The following DLG2 variants were observed in gnomAD, a reference collection of about 807,000 sequenced individuals.
DLG2 encodes the protein discs large MAGUK scaffold protein 2, also known as disks large homolog 2.
Under a neutral mutation model 132.5 loss-of-function variants are expected in DLG2, and 45 were observed. That is an observed-to-expected ratio of 0.34 (90% CI 0.27 to 0.44). The LOEUF (loss-of-function observed/expected upper bound fraction) is 0.44. Among genes scored for constraint, DLG2 ranks in the 20% least tolerant of loss-of-function variants. DLG2 has a pLI of 1.00. For synonymous variants in DLG2, 424 were observed against 419.6 expected, an observed-to-expected ratio of 1.01 and a Z score of -0.13; for missense variants, 1,045 against 1,196.9, an observed-to-expected ratio of 0.87 and a Z score of 1.87.
At chr11:84,577,181 A>C (rs1308255341) in intron 6 of DLG2, among the ~76,000 whole-genome samples, 2 of 152,202 alleles carry the variant, frequency 1.3e-5, no homozygotes, top group African/African-American at 4.8e-5. Context: ...GGTACGTCCA[A>C]TTAAACCTCT....
At chr11:85,172,576 A>G (rs1019631973) in intron 4 of DLG2, among the ~76,000 whole-genome samples, 1 of 152,192 alleles carries the variant, frequency 6.6e-6, no homozygotes, top group African/African-American at 2.4e-5. Context: ...AATGACTGCA[A>G]TACCTCTCCT....
intron 18 of DLG2, among the ~76,000 whole-genome samples, chr11:83,756,618 C>T (rs1385885913): frequency 6.6e-6 from 1 of 151,336 alleles, no homozygotes. Context: ...ATAATAACCT[C>T]ATAGGATTCT....
intron 6 of DLG2, among the ~76,000 whole-genome samples, chr11:84,795,275 G>A (rs927430741): frequency 2.0e-5 from 3 of 152,102 alleles, no homozygotes; most frequent in Admixed American, 2.0e-4. Context: ...TGCCTGCAGA[G>A]AGGAGCTTCC....
intron 6 of DLG2, among the ~76,000 whole-genome samples, chr11:84,928,120 T>C (rs918185623): frequency 6.6e-6 from 1 of 151,904 alleles, no homozygotes; most frequent in Non-Finnish European, 1.5e-5. Flanking sequence ...AAACAGAAGG[T>C]AATTTCTGTT....
At chr11:84,629,712 C>A (rs185379158) in intron 6 of DLG2, among the ~76,000 whole-genome samples, 53 of 152,022 alleles carry the variant, frequency 3.5e-4, no homozygotes, top group African/African-American at 1.3e-3. Context: ...TAAGTGTTCA[C>A]ATACATACTC....
intron 7 of DLG2, among the ~76,000 whole-genome samples, chr11:84,256,163 T>C (rs1327976894): frequency 1.3e-5 from 2 of 151,864 alleles, no homozygotes; most frequent in Admixed American, 6.6e-5. Flanking sequence ...AGACTCTAAA[T>C]AAAAAATAAT....
chr11:84,974,036 T>C (rs992309451), intron 6 of DLG2, among the ~76,000 whole-genome samples: 2 of 152,218 alleles, frequency 1.3e-5, no homozygotes, highest in Admixed American at 6.5e-5. Flanking sequence ...ATTTATCATC[T>C]GCATTAAACT....
chr11:84,098,943 T>G lies in DLG2; in HGVS notation c.729A>C (p.Ala243=). ...FITKIIPGGA[A]AEDGRLRVND... ...TTTACCTGAGTCTGCCATCCTCTGC[T>G]GCAGCACCTCCTGGTATAATCTTCG... Residue 243 remains alanine (A), a synonymous_variant, in exon 10 of 28, where the codon GCA becomes GCC. Transcript: ENST00000376104. 1 of 1,613,436 alleles carries G rather than the reference T, an allele frequency of 6.2e-7. No homozygotes were observed. The highest frequency in any genetic ancestry group is 8.5e-7 in the Non-Finnish European group (1 of 1,179,770).
chr11:84,199,325 T>G (rs530629507), intron 8 of DLG2, among the ~76,000 whole-genome samples: 83 of 152,188 alleles, frequency 5.5e-4, no homozygotes, highest in Non-Finnish European at 1.0e-3. Context: ...TAATAATTTC[T>G]GAATTATTAC....
rs145362967 is a variant in DLG2, at chr11:84,809,049, T to C, written c.358-274318A>G. Among the ~76,000 whole-genome samples the C allele has an allele frequency of 3.2e-4, 49 of 151,954 alleles. No homozygotes were observed. In the East Asian group the frequency reaches 7.7e-3, roughly 24 times the overall value. On this transcript the variant is annotated intron_variant, in intron 6 of 27. Transcript: ENST00000376104. ...TATGGACCCACAAATCCCTTAAAAT[T>C]AGCAAATAAATTTCGACAATATATA...
At chr11:84,656,630 T>C (rs567101050) in intron 6 of DLG2, among the ~76,000 whole-genome samples, 2 of 152,228 alleles carry the variant, frequency 1.3e-5, no homozygotes, top group African/African-American at 4.8e-5. Flanking sequence ...TGAAAGAGTA[T>C]AGTTGAATTT....
intron 6 of DLG2, among the ~76,000 whole-genome samples, chr11:84,632,558 T>C (rs1419557282): frequency 1.3e-5 from 2 of 152,164 alleles, no homozygotes; most frequent in Non-Finnish European, 2.9e-5. Context: ...GCATTTACCA[T>C]AGTAAGCTGA....
chr11:84,754,019 A>G (rs113388884), intron 6 of DLG2, among the ~76,000 whole-genome samples: 1,804 of 152,302 alleles, frequency 0.012, 35 homozygotes, highest in African/African-American at 0.032. Flanking sequence ...CTTCAGTGGA[A>G]CAGCAGGGAG....
chr11:84,794,781 C>T (rs1332511348), intron 6 of DLG2, among the ~76,000 whole-genome samples: 1 of 152,234 alleles, frequency 6.6e-6, no homozygotes, highest in African/African-American at 2.4e-5. Flanking sequence ...CTCAGGGCAG[C>T]ACTGACATGC....
At chr11:83,658,628 T>C (rs2073396126) in intron 18 of DLG2, among the ~76,000 whole-genome samples, 1 of 152,272 alleles carries the variant, frequency 6.6e-6, no homozygotes, top group South Asian at 2.1e-4. Context: ...TTGCCCAGCA[T>C]GACCCACCTT....
intron 15 of DLG2, among the ~76,000 whole-genome samples, chr11:83,925,428 T>G (rs1307372248): frequency 1.3e-5 from 2 of 152,196 alleles, no homozygotes; most frequent in African/African-American, 4.8e-5. Context: ...TTTTAACAGC[T>G]ACCTAGAGAT....
intron 18 of DLG2, among the ~76,000 whole-genome samples, chr11:83,687,727 G>A (rs1429449582): frequency 2.0e-5 from 3 of 151,976 alleles, no homozygotes; most frequent in Non-Finnish European, 2.9e-5. Flanking sequence ...AAATGTTTCT[G>A]GTTTATGAAA....
intron 6 of DLG2, among the ~76,000 whole-genome samples, chr11:84,781,915 C>G (rs780082641): frequency 6.6e-6 from 1 of 152,010 alleles, no homozygotes; most frequent in Non-Finnish European, 1.5e-5. Context: ...AAGACAGAGG[C>G]TGGATGGAGG....
At chr11:84,292,443 T>C (rs2098016145) in intron 7 of DLG2, among the ~76,000 whole-genome samples, 1 of 152,150 alleles carries the variant, frequency 6.6e-6, no homozygotes, top group Non-Finnish European at 1.5e-5. Flanking sequence ...CATTCCCTTT[T>C]CACTGTAAGA....
Sources: gnomAD v4.1 joint callset for allele counts (sites outside exome capture counted in the v4.1 genomes callset) on GRCh38, gnomAD v4.1.1 for gene constraint, MANE v1.5 for transcripts, NCBI Gene and HGNC (gene_info 2026-07-23, HGNC 2026-07-21) for gene names.